Variants in SMURF2 observed in about 807,000 individuals in gnomAD.
The protein encoded by SMURF2 is SMAD specific E3 ubiquitin protein ligase 2, also known as E3 ubiquitin-protein ligase SMURF2.
In SMURF2, 48 loss-of-function variants were observed where a neutral mutation model predicts 109.6. The ratio of observed to expected loss-of-function variants is 0.44; its 90% CI spans 0.35 to 0.56. SMURF2 has a LOEUF of 0.56. Among genes scored for constraint, SMURF2 ranks in the 20% least tolerant of loss-of-function variants. The pLI, the probability that SMURF2 is intolerant of heterozygous loss-of-function variation, is 0.01. For missense variants in SMURF2, 575 were observed against 909.0 expected, an observed-to-expected ratio of 0.63 and a Z score of 4.72; for synonymous variants, 288 against 317.1, an observed-to-expected ratio of 0.91 and a Z score of 0.97.
At position 64,551,697 on chromosome 17, in the gene SMURF2, CAT is replaced by C; in HGVS notation, c.1754_1755del (p.Tyr585CysfsTer10). On this transcript the variant is annotated frameshift_variant, in exon 16 of 19. Transcript: ENST00000262435. LOFTEE classifies it high-confidence loss of function. Reference protein sequence around the residue: ...EENKKEYVRLYVNWRFLRGIE... With the variant: ...EENKKEYVRLXVNWRFLRGIE... ...ATGCCTCGTAAAAATCTCCAGTTCACATAGAGCCTGTAAACATTCGGCAGGAT... is the reference window on the plus strand; with the variant it reads ...ATGCCTCGTAAAAATCTCCAGTTCACAGAGCCTGTAAACATTCGGCAGGAT... The C allele has an allele frequency of 6.2e-7, 1 of 1,613,978 alleles. No individual in the cohort carries two copies. The highest frequency in any genetic ancestry group is 8.5e-7 in the Non-Finnish European group (1 of 1,179,926).
chr17:64,546,875 C>A (rs1434850946), intron 17 of SMURF2, among the ~76,000 whole-genome samples: 1 of 152,208 alleles, frequency 6.6e-6, no homozygotes, highest in Non-Finnish European at 1.5e-5. Flanking sequence ...AGAAGGGCAG[C>A]ACAGCTGAAA....
At chr17:64,642,798 A>AT (rs1384116451) in intron 1 of SMURF2, among the ~76,000 whole-genome samples, 3 of 151,694 alleles carry the variant, frequency 2.0e-5, no homozygotes, top group Admixed American at 6.6e-5. Flanking sequence ...TTATTTATTT[A>AT]TTTATTTATT....
At chr17:64,597,354 A>C (rs1969832594) in intron 3 of SMURF2, among the ~76,000 whole-genome samples, 1 of 152,206 alleles carries the variant, frequency 6.6e-6, no homozygotes, top group Admixed American at 6.5e-5. Context: ...TAGAGGCTAC[A>C]CTGAGCTATG....
intron 5 of SMURF2, among the ~76,000 whole-genome samples, chr17:64,589,082 G>A (rs1969712692): frequency 6.6e-6 from 1 of 152,132 alleles, no homozygotes; most frequent in South Asian, 2.1e-4. Context: ...TAATGTTTGA[G>A]TCCAGCCTGC....
chr17:64,624,338 A>AACTTTTT (rs1555690974), intron 1 of SMURF2, among the ~76,000 whole-genome samples: 17 of 150,150 alleles, frequency 1.1e-4, no homozygotes, highest in Middle Eastern at 3.5e-3. Flanking sequence ...CTCTATAAAA[A>AACTTTTT]AAAATTTTTT....
chr17:64,651,463 T>C (rs1555693511), intron 1 of SMURF2, among the ~76,000 whole-genome samples: 1 of 149,034 alleles, frequency 6.7e-6, no homozygotes, highest in Non-Finnish European at 1.5e-5. Flanking sequence ...TCCCAGCTAC[T>C]CCAGAGGCCA....
rs976858653 is a variant in SMURF2, at chr17:64,543,285, T to C, written c.*2563A>G. The C allele has an allele frequency of 2.6e-5, 4 of 151,578 alleles. No individual in the cohort carries two copies. The highest frequency in any genetic ancestry group is 5.9e-5 in the Non-Finnish European group (4 of 67,880). 9.4% of individuals were successfully genotyped at this position (151,578 alleles called of 1,614,324 possible). On this transcript the variant is annotated 3_prime_UTR_variant, in exon 19 of 19. Transcript: ENST00000262435. ...AGAGTAATTTCTTTTTTTTTTTTTT[T>C]TGGGCGGGGACGGAGTCTCACTCTT...
intron 1 of SMURF2, among the ~76,000 whole-genome samples, chr17:64,611,547 C>T (rs1970044679): frequency 6.6e-6 from 1 of 152,158 alleles, no homozygotes; most frequent in Non-Finnish European, 1.5e-5. Context: ...TAGCAACCTT[C>T]ACTGTATTCC....
intron 1 of SMURF2, among the ~76,000 whole-genome samples, chr17:64,646,402 G>C (rs1396892622): frequency 8.3e-6 from 1 of 120,014 alleles, no homozygotes; most frequent in Non-Finnish European, 1.7e-5. Flanking sequence ...TTTTTAAATT[G>C]AGACAAGGTC....
At chr17:64,571,414 A>ATTTT (rs10678942) in intron 10 of SMURF2, among the ~76,000 whole-genome samples, 3 of 151,892 alleles carry the variant, frequency 2.0e-5, no homozygotes, top group African/African-American at 7.3e-5. Flanking sequence ...ATGTTCTTTC[A>ATTTT]TTTTTTAAGA....
chr17:64,566,361 AATTT>A (rs775663478), intron 10 of SMURF2, among the ~76,000 whole-genome samples: 9 of 151,880 alleles, frequency 5.9e-5, no homozygotes, highest in Non-Finnish European at 1.0e-4. Flanking sequence ...CTTTAAAGTT[AATTT>A]ATGACAGAAA....
rs369118964 is a variant in SMURF2, at chr17:64,545,008, T to G, written c.*840A>C. The G allele has an allele frequency of 1.9e-4, 29 of 152,128 alleles. 1 individual carries two copies. The East Asian group carries it at 2.3e-3, about 12-fold the overall frequency. The allele number at this position is 152,128 out of a possible 1,614,324, so 9.4% of individuals were successfully genotyped here. On this transcript the variant is annotated 3_prime_UTR_variant, in exon 19 of 19. Transcript: ENST00000262435. ...TGAGAAGCTATAAAAATGCAGTATT[T>G]TAAGATTAAAAGTAAATCCAAAATA...
At chr17:64,550,757 CAAAAAAAAAAAA>C (rs146307567) in intron 16 of SMURF2, among the ~76,000 whole-genome samples, 2 of 69,676 alleles carry the variant, frequency 2.9e-5, no homozygotes, top group Non-Finnish European at 7.0e-5. Context: ...ACTCTGTCTC[CAAAAAAAAAAAA>C]AAAAAAAAGA....
intron 14 of SMURF2, 137 bp downstream of exon 14, chr17:64,555,683 G>T: frequency 1.9e-6 from 1 of 516,932 alleles, no homozygotes; most frequent in South Asian, 4.5e-5. Context: ...AGGAAAGGGG[G>T]AAATCATATG....
intron 1 of SMURF2, among the ~76,000 whole-genome samples, chr17:64,617,023 C>T (rs1224758814): frequency 7.5e-6 from 1 of 134,158 alleles, no homozygotes; most frequent in Non-Finnish European, 1.5e-5. Flanking sequence ...GCCATGTTCA[C>T]ACCACTGCAC....
intron 1 of SMURF2, among the ~76,000 whole-genome samples, chr17:64,639,948 A>G (rs568189990): frequency 1.1e-4 from 17 of 152,350 alleles, no homozygotes; most frequent in Middle Eastern, 3.4e-3. Context: ...TTAGTTAATA[A>G]AAGTGTACCA....
rs1969577255 is a variant in SMURF2 at position 64,581,434 on chromosome 17, T to A, written c.570-443A>T. Among the ~76,000 whole-genome samples the A allele has an allele frequency of 6.6e-6, 1 of 152,164 alleles. No homozygotes were observed. Among genetic ancestry groups the A allele is most frequent in the Non-Finnish European group, 1.5e-5 (1 of 68,024 alleles). On this transcript the variant is annotated intron_variant, in intron 7 of 18. Coordinates refer to ENST00000262435, the MANE Select transcript of SMURF2 (RefSeq NM_022739.4). This position sits in a 1 kb window ranked among gnomAD's most constrained non-coding sequence, Gnocchi z 4.3. The stretch of plus-strand genomic sequence containing the variant: ...TTGCTCTTCCTTCCATCTGGCATAT[T>A]CTTTTCTCCTACTCTCCCTAGGCCT...
At chr17:64,548,120 T>C (rs782787618) in intron 16 of SMURF2, among the ~76,000 whole-genome samples, 1 of 152,098 alleles carries the variant, frequency 6.6e-6, no homozygotes, top group Non-Finnish European at 1.5e-5. Context: ...ATTGAGAATG[T>C]TTCATAAGTT....
intron 3 of SMURF2, among the ~76,000 whole-genome samples, chr17:64,597,312 G>C (rs549970834): frequency 6.6e-6 from 1 of 152,118 alleles, no homozygotes; most frequent in East Asian, 1.9e-4. Flanking sequence ...ACTGAGGAGG[G>C]TGAGGTGGGA....
Sources: gnomAD v4.1 joint callset for allele counts (sites outside exome capture counted in the v4.1 genomes callset) on GRCh38, gnomAD v4.1.1 for gene constraint, Gnocchi (gnomAD v3.1) non-coding constraint, MANE v1.5 for transcripts, NCBI Gene and HGNC (gene_info 2026-07-23, HGNC 2026-07-21) for gene names.